The following KLHL24 variants were observed in gnomAD, a reference collection of about 807,000 sequenced individuals.
KLHL24 encodes kelch-like protein 24.
Under a neutral mutation model 53.4 loss-of-function variants are expected in KLHL24, and 29 were observed. That is an observed-to-expected ratio of 0.54 (90% confidence interval 0.40 to 0.74). The LOEUF (loss-of-function observed/expected upper bound fraction) is 0.74, where lower values mean the gene tolerates loss of function less well. Among genes scored for constraint, KLHL24 ranks in the 30% least tolerant of loss-of-function variants. The probability of loss-of-function intolerance (pLI) is 0.00; values close to 1 mark genes in which losing one functional copy is unlikely to be tolerated. For missense variants in KLHL24, 504 were observed against 744.0 expected (o/e 0.68, Z 3.75); for synonymous variants, 222 against 253.7 (o/e 0.88, Z 1.19).
At chr3:183,669,487 C>T (rs995002502) in intron 5 of KLHL24, among the ~76,000 whole-genome samples, 2 of 152,158 alleles carry the variant, frequency 1.3e-5, no homozygotes, top group African/African-American at 4.8e-5. Flanking sequence ...AGGTTCCATA[C>T]TCCATATAGC....
rs566157896 is a variant in KLHL24, at chr3:183,639,827, A to T, written c.-124-3653A>T. On this transcript the variant is annotated intron_variant, in intron 1 of 7. Coordinates refer to ENST00000242810, the MANE Select transcript of KLHL24 (RefSeq NM_017644.3). ...GAGACCAGCCTGGCCAACATAGTGA[A>T]ACCCCCATCTCCACTAAAAACCAAA... is the stretch of plus-strand genomic sequence containing the variant. 1.1e-3 allele frequency among the ~76,000 whole-genome samples: 167 copies of T among 148,824 alleles called. 1 individual carries two copies. Among genetic ancestry groups the T allele is most frequent in the African/African-American group, 4.0e-3 (157 of 38,984 alleles).
At chr3:183,659,795 CT>C (rs1241493379) in intron 3 of KLHL24, among the ~76,000 whole-genome samples, 1 of 152,228 alleles carries the variant, frequency 6.6e-6, no homozygotes, top group Admixed American at 6.5e-5. Context: ...TGAATCTCTC[CT>C]TCTCTTGGGG....
At chr3:183,666,700 A>T (rs770305506) in intron 5 of KLHL24, among the ~76,000 whole-genome samples, 1 of 152,194 alleles carries the variant, frequency 6.6e-6, no homozygotes, top group Non-Finnish European at 1.5e-5. Flanking sequence ...AAAGTTTCAG[A>T]TCTGGAACAT....
chr3:183,673,351 C>T (rs1054465441), intron 7 of KLHL24, among the ~76,000 whole-genome samples: 1 of 151,982 alleles, frequency 6.6e-6, no homozygotes, highest in South Asian at 2.1e-4. Context: ...TTCCTTTTTA[C>T]CATCCCATGG....
intron 5 of KLHL24, among the ~76,000 whole-genome samples, chr3:183,669,479 G>GT (rs1721046202): frequency 6.6e-6 from 1 of 152,178 alleles, no homozygotes; most frequent in South Asian, 2.1e-4. Context: ...CGTGCCACAG[G>GT]TTCCATACTC....
intron 3 of KLHL24, among the ~76,000 whole-genome samples, chr3:183,652,811 G>C (rs1265195822): frequency 1.3e-5 from 2 of 152,148 alleles, no homozygotes; most frequent in African/African-American, 4.8e-5. Flanking sequence ...TCCCTCTAAA[G>C]GGAAAATCAC....
At chr3:183,647,910 G>A (rs553521730) in intron 2 of KLHL24, among the ~76,000 whole-genome samples, 69 of 152,254 alleles carry the variant, frequency 4.5e-4, no homozygotes, top group African/African-American at 1.6e-3. Context: ...GGAGGCTGAG[G>A]CACGAAAATC....
chr3:183,674,357 C>T (rs28671061), intron 7 of KLHL24, among the ~76,000 whole-genome samples: 2 of 148,534 alleles, frequency 1.3e-5, no homozygotes, highest in Non-Finnish European at 3.0e-5. Context: ...TTCCTTCCTT[C>T]CTTTCTTTCT....
At chr3:183,674,968 G>A (rs1450127393) in intron 7 of KLHL24, among the ~76,000 whole-genome samples, 1 of 152,042 alleles carries the variant, frequency 6.6e-6, no homozygotes, top group African/African-American at 2.4e-5. Flanking sequence ...GTTTAACTGG[G>A]GCAGAATGGA....
intron 3 of KLHL24, among the ~76,000 whole-genome samples, chr3:183,655,853 C>G (rs10470521): frequency 0.33 from 50,526 of 151,352 alleles, 9,244 homozygotes; most frequent in African/African-American, 0.49. Flanking sequence ...ATCACTTGAA[C>G]CTGGGAGGCA....
At chr3:183,645,829 T>C (rs1717145101) in intron 2 of KLHL24, among the ~76,000 whole-genome samples, 2 of 152,176 alleles carry the variant, frequency 1.3e-5, no homozygotes, top group African/African-American at 4.8e-5. Context: ...GAAACTAATT[T>C]TCCTAACTAA....
intron 3 of KLHL24, among the ~76,000 whole-genome samples, chr3:183,658,809 A>G (rs958214012): frequency 7.1e-6 from 1 of 140,072 alleles, no homozygotes; most frequent in African/African-American, 2.6e-5. Context: ...CCTTCCTCCC[A>G]TTTTTTTTTT....
chr3:183,662,882 A>G (rs1173579010), intron 3 of KLHL24, among the ~76,000 whole-genome samples: 1 of 152,164 alleles, frequency 6.6e-6, no homozygotes, highest in Non-Finnish European at 1.5e-5. Context: ...CATTCTTGTT[A>G]TAAACTGTTA....
chr3:183,651,053 G>A lies in KLHL24; in HGVS notation c.697G>A (p.Val233Ile), dbSNP rs752283840. ...TAAAGAGGAGATGGTTTTTGAAGCCGTCATGCGTTGGGTCTATCGTGCCGT... is the reference window on the plus strand; with the variant it reads ...TAAAGAGGAGATGGTTTTTGAAGCCATCATGCGTTGGGTCTATCGTGCCGT... ...IGKEEMVFEA[V>I]MRWVYRAVDL... The change falls in exon 3 of 8, where the codon GTC becomes ATC. Residue 233 changes from valine (V) to isoleucine (I), a missense_variant. Val to Ile is a conservative substitution (Grantham distance 29). Coordinates refer to ENST00000242810, the MANE Select transcript of KLHL24 (RefSeq NM_017644.3). 48 of 1,614,034 alleles carry A rather than the reference G, an allele frequency of 3.0e-5. No homozygotes were observed. Among genetic ancestry groups the A allele is most frequent in the Admixed American group, 5.0e-5 (3 of 60,008 alleles).
chr3:183,671,226 A>G lies in KLHL24; in HGVS notation c.1413+4A>G. The G allele has an allele frequency of 6.2e-7, 1 of 1,605,476 alleles. No individual in the cohort carries two copies. Among genetic ancestry groups the G allele is most frequent in the Non-Finnish European group, 8.5e-7 (1 of 1,175,010 alleles). ...TGATAATACTTGTTCTGATAAGGTAAGCCATGCACTTTTAAAGAAATTACC... is the reference window on the plus strand; with the variant it reads ...TGATAATACTTGTTCTGATAAGGTAGGCCATGCACTTTTAAAGAAATTACC... On this transcript the variant is annotated splice_donor_region_variant and intron_variant, in intron 6 of 7. Transcript: ENST00000242810.
chr3:183,638,295 A>G (rs1230628856), intron 1 of KLHL24, among the ~76,000 whole-genome samples: 1 of 152,224 alleles, frequency 6.6e-6, no homozygotes, highest in Non-Finnish European at 1.5e-5. Context: ...CTTTAACTTA[A>G]ACTTTCCTGG....
At chr3:183,652,527 A>G (rs1407029232) in intron 3 of KLHL24, among the ~76,000 whole-genome samples, 1 of 152,084 alleles carries the variant, frequency 6.6e-6, no homozygotes, top group Non-Finnish European at 1.5e-5. Flanking sequence ...GTATATTTAC[A>G]TTGTTGTGAA....
rs1031263557 is a variant in KLHL24 at position 183,684,430 on chromosome 3, G to T, written c.*5144G>T. On this transcript the variant is annotated 3_prime_UTR_variant, in exon 8 of 8. Transcript: ENST00000242810. ...TTTGTTTAAATATACTTCTTGCATAGTTTAATTTTTTAAAAGTTGTATCTA... is the reference window on the plus strand; with the variant it reads ...TTTGTTTAAATATACTTCTTGCATATTTTAATTTTTTAAAAGTTGTATCTA... The T allele has an allele frequency of 1.3e-5, 2 of 152,512 alleles. No homozygotes were observed. The highest frequency in any genetic ancestry group is 1.3e-4 in the Admixed American group (2 of 15,262). The allele number at this position is 152,512 out of a possible 1,614,324, so 9.4% of individuals were successfully genotyped here.
Position 183,679,439 on chromosome 3 carries a change from C to T in KLHL24, c.*153C>T. 1.6e-6 allele frequency: 1 copy of T among 611,934 alleles called. No homozygotes were observed. Among genetic ancestry groups the T allele is most frequent in the Non-Finnish European group, 2.8e-6 (1 of 355,538 alleles). 37.9% of individuals were successfully genotyped at this position (611,934 alleles called of 1,614,324 possible). A position where few individuals can be genotyped will look rare whatever the true frequency, so the allele number is the denominator to read the frequency against. ...CTTTCTCCTCAAAATATCAATCTTT[C>T]AAACTATAATAAAGCCTTTCCTATA... On this transcript the variant is annotated 3_prime_UTR_variant, in exon 8 of 8. Coordinates refer to ENST00000242810, the MANE Select transcript of KLHL24 (RefSeq NM_017644.3).
Sources: gnomAD v4.1 joint callset for allele counts (sites outside exome capture counted in the v4.1 genomes callset) on GRCh38, gnomAD v4.1.1 for gene constraint, MANE v1.5 for transcripts, NCBI Gene and HGNC (gene_info 2026-07-23, HGNC 2026-07-21) for gene names.